The following ZBTB20 variants were observed in gnomAD, a reference collection of about 807,000 sequenced individuals.
ZBTB20 encodes zinc finger and BTB domain containing 20.
ZBTB20 carries 9 observed loss-of-function variants against 56.9 expected under a neutral mutation model. That is an observed-to-expected ratio of 0.16 (90% CI 0.10 to 0.28). The LOEUF is 0.28. Among genes scored for constraint, ZBTB20 ranks in the 10% least tolerant of loss-of-function variants. The pLI is 1.00. For missense variants in ZBTB20, 655 were observed against 1,003.0 expected (o/e 0.65, Z 4.69); for synonymous variants, 417 against 420.7 (o/e 0.99, Z 0.11).
intron 6 of ZBTB20, among the ~76,000 whole-genome samples, chr3:114,512,226 C>T (rs904981458): frequency 6.6e-6 from 1 of 152,056 alleles, no homozygotes; most frequent in Non-Finnish European, 1.5e-5. Flanking sequence ...GCTTTATGTC[C>T]TTGTTAAATA....
intron 1 of ZBTB20, among the ~76,000 whole-genome samples, chr3:115,129,981 A>AAT (rs140272635): frequency 0.093 from 14,205 of 152,104 alleles, 1,957 homozygotes; most frequent in African/African-American, 0.3. Context: ...CACAGCTTCA[A>AAT]ATATATATAT....
At chr3:114,827,424 T>A (rs1224022762) in intron 4 of ZBTB20, among the ~76,000 whole-genome samples, 2 of 151,764 alleles carry the variant, frequency 1.3e-5, no homozygotes, top group African/African-American at 4.8e-5. Context: ...ATGCTTCCCA[T>A]TAGTTCGTTA....
chr3:115,103,809 C>A (rs907323150), intron 1 of ZBTB20, among the ~76,000 whole-genome samples: 1 of 152,118 alleles, frequency 6.6e-6, no homozygotes, highest in African/African-American at 2.4e-5. Context: ...TTAGATACAA[C>A]ACCAAAGACA....
chr3:114,691,720 T>A (rs1294406643), intron 6 of ZBTB20, among the ~76,000 whole-genome samples: 1 of 152,056 alleles, frequency 6.6e-6, no homozygotes, highest in Admixed American at 6.6e-5. Flanking sequence ...ACATCATGTT[T>A]TAAAAATATA....
chr3:114,475,379 C>T (rs558555972), intron 7 of ZBTB20, among the ~76,000 whole-genome samples: 2 of 152,260 alleles, frequency 1.3e-5, no homozygotes, highest in South Asian at 4.1e-4. Flanking sequence ...AAAGTAGACA[C>T]ATGTCTCAGC....
chr3:115,130,887 A>AAGT (rs1400476065), intron 1 of ZBTB20, among the ~76,000 whole-genome samples: 2 of 152,022 alleles, frequency 1.3e-5, no homozygotes, highest in Admixed American at 6.6e-5. Flanking sequence ...TCAGCCTCCC[A>AAGT]AGTAGCTGGG....
rs140661959 is a variant in ZBTB20 at position 114,442,596 on chromosome 3, C to T, written c.-254-53491G>A. Among the ~76,000 whole-genome samples the T allele has an allele frequency of 9.9e-5, 15 of 152,274 alleles. No individual in the cohort carries two copies. The East Asian group carries it at 2.7e-3, about 27-fold the overall frequency. ...CAGTTCTACTAAATGTGACCTTGTT[C>T]CCCTCACAAATACCAGCTTATTCTC... On this transcript the variant is annotated intron_variant, in intron 7 of 11. Coordinates refer to ENST00000675478, the MANE Select transcript of ZBTB20 (RefSeq NM_001348800.3).
At chr3:115,065,470 G>A (rs950717766) in intron 2 of ZBTB20, among the ~76,000 whole-genome samples, 6 of 151,996 alleles carry the variant, frequency 3.9e-5, no homozygotes. Context: ...CAAAAGTTGT[G>A]TCTCTTTAAT....
At chr3:114,716,978 A>T (rs2064525739) in intron 5 of ZBTB20, among the ~76,000 whole-genome samples, 1 of 152,070 alleles carries the variant, frequency 6.6e-6, no homozygotes, top group Non-Finnish European at 1.5e-5. Context: ...AACAAAACAA[A>T]ACAAAAGGCT....
At chr3:114,748,279 C>CTTGCTTTCT (rs1553807144) in intron 5 of ZBTB20, among the ~76,000 whole-genome samples, 5 of 104,422 alleles carry the variant, frequency 4.8e-5, no homozygotes, top group South Asian at 3.6e-4. Context: ...TTTGTTGTAG[C>CTTGCTTTCT]TTCTTTCTTT....
At chr3:114,567,089 T>A (rs1225309209) in intron 6 of ZBTB20, among the ~76,000 whole-genome samples, 1 of 152,214 alleles carries the variant, frequency 6.6e-6, no homozygotes, top group Non-Finnish European at 1.5e-5. Context: ...GGGCTGTGTG[T>A]ATTTTCTCAG....
At chr3:114,937,678 C>T (rs1284545705) in intron 3 of ZBTB20, among the ~76,000 whole-genome samples, 1 of 152,094 alleles carries the variant, frequency 6.6e-6, no homozygotes, top group Non-Finnish European at 1.5e-5. Context: ...GCGTTGGCCT[C>T]CCAAAGTGCT....
chr3:115,126,349 A>C (rs536064105), intron 1 of ZBTB20, among the ~76,000 whole-genome samples: 2 of 152,206 alleles, frequency 1.3e-5, no homozygotes, highest in Non-Finnish European at 2.9e-5. Flanking sequence ...AGCGATTCCA[A>C]TCTCAGAATA....
rs114645746 is a variant in ZBTB20, at chr3:114,649,143, A to C, written c.-295+44385T>G. ...ACACTATTCCTTCATTGTTAACTTT[A>C]AGGAGAAAAATACACTATAAACTAT... On this transcript the variant is annotated intron_variant, in intron 6 of 11. Coordinates refer to ENST00000675478, the MANE Select transcript of ZBTB20 (RefSeq NM_001348800.3). 6.4e-3 allele frequency among the ~76,000 whole-genome samples: 968 copies of C among 152,128 alleles called. 9 individuals are homozygous for C. The highest frequency in any genetic ancestry group is 0.021 in the African/African-American group (892 of 41,558).
chr3:114,900,512 T>TATACACACACACAC (rs549497546), intron 3 of ZBTB20, 170 bp from the exon 4 acceptor site: 25 of 145,748 alleles, frequency 1.7e-4, no homozygotes, highest in African/African-American at 6.0e-4. Context: ...TGAAAATATA[T>TATACACACACACAC]ACACACACAC....
At chr3:114,362,338 A>G (rs1023379853) in intron 10 of ZBTB20, among the ~76,000 whole-genome samples, 2 of 152,200 alleles carry the variant, frequency 1.3e-5, no homozygotes, top group African/African-American at 4.8e-5. Context: ...GACAACTACA[A>G]ATATGTAACT....
At chr3:114,965,463 G>A (rs2077613058) in intron 3 of ZBTB20, among the ~76,000 whole-genome samples, 1 of 151,964 alleles carries the variant, frequency 6.6e-6, no homozygotes, top group African/African-American at 2.4e-5. Context: ...CCAGCCTCTG[G>A]TAACCAACAT....
chr3:115,125,384 T>A lies in ZBTB20; in HGVS notation c.-703+21835A>T, dbSNP rs535406070. Among the ~76,000 whole-genome samples, 3 of 150,372 alleles carry A rather than the reference T, an allele frequency of 2.0e-5. No individual in the cohort carries two copies. The East Asian group carries it at 5.8e-4, about 29-fold the overall frequency. On this transcript the variant is annotated intron_variant, in intron 1 of 11. Coordinates refer to ENST00000675478, the MANE Select transcript of ZBTB20 (RefSeq NM_001348800.3). ...AAGAAAATGTGACATACATACACAA[T>A]GGAATACTATTCTGCATTAAAAAGA...
chr3:114,905,102 T>C (rs2075272797), intron 3 of ZBTB20, among the ~76,000 whole-genome samples: 3 of 152,086 alleles, frequency 2.0e-5, no homozygotes, highest in African/African-American at 7.2e-5. Flanking sequence ...TTAATAATTC[T>C]AATTGTCCTA....
Sources: gnomAD v4.1 joint callset for allele counts (sites outside exome capture counted in the v4.1 genomes callset) on GRCh38, gnomAD v4.1.1 for gene constraint, MANE v1.5 for transcripts, NCBI Gene and HGNC (gene_info 2026-07-23, HGNC 2026-07-21) for gene names.